Variants in VWC2L observed in about 807,000 individuals in gnomAD.
The protein encoded by VWC2L is von Willebrand factor C domain-containing protein 2-like.
VWC2L carries 10 observed loss-of-function variants against 21.6 expected under a neutral mutation model. The observed-to-expected ratio is 0.46, with a 90% CI of 0.29 to 0.78. The LOEUF (loss-of-function observed/expected upper bound fraction) is 0.78. Ranked by LOEUF, VWC2L falls within the 30% of genes least tolerant of loss-of-function variation. The pLI, the probability that VWC2L is intolerant of heterozygous loss-of-function variation, is 0.10. For missense variants in VWC2L, 209 were observed against 277.1 expected (o/e 0.75, Z 1.74); for synonymous variants, 96 against 94.3 (o/e 1.02, Z -0.10).
intron 3 of VWC2L, among the ~76,000 whole-genome samples, chr2:214,469,836 G>GA (rs376084751): frequency 8.3e-4 from 127 of 152,194 alleles, no homozygotes; most frequent in African/African-American, 2.9e-3. Context: ...AGCGGACTAA[G>GA]AAAAAATCTT....
chr2:214,477,661 T>G (rs1420039185), intron 3 of VWC2L, among the ~76,000 whole-genome samples: 1 of 152,248 alleles, frequency 6.6e-6, no homozygotes, highest in Non-Finnish European at 1.5e-5. Flanking sequence ...ACTTAAAATA[T>G]TATACCTCTT....
At chr2:214,526,649 C>T (rs1469092170) in intron 3 of VWC2L, among the ~76,000 whole-genome samples, 1 of 152,172 alleles carries the variant, frequency 6.6e-6, no homozygotes, top group African/African-American at 2.4e-5. Context: ...GGTTTCTCTT[C>T]TTCCATGGCT....
chr2:214,534,163 T>C (rs1689487309), intron 3 of VWC2L: 1 of 152,536 alleles, frequency 6.6e-6, no homozygotes, highest in Non-Finnish European at 1.5e-5. Flanking sequence ...TCTGAGGTAC[T>C]GATAATGCTG....
At chr2:214,535,694 C>A (rs1397442986) in intron 3 of VWC2L, among the ~76,000 whole-genome samples, 1 of 151,996 alleles carries the variant, frequency 6.6e-6, no homozygotes, top group Non-Finnish European at 1.5e-5. Context: ...CTGACTCAGG[C>A]TGTATACAGC....
At chr2:214,561,783 A>ATT (rs1689975989) in intron 3 of VWC2L, among the ~76,000 whole-genome samples, 2 of 90,974 alleles carry the variant, frequency 2.2e-5, no homozygotes, top group Non-Finnish European at 4.3e-5. Context: ...CTCAAAAAAA[A>ATT]TTATATATAT....
At chr2:214,453,534 T>C (rs933749818) in intron 3 of VWC2L, among the ~76,000 whole-genome samples, 1 of 152,194 alleles carries the variant, frequency 6.6e-6, no homozygotes, top group Non-Finnish European at 1.5e-5. Context: ...TTTTAATTGG[T>C]ATTTCATTGA....
chr2:214,482,624 T>A lies in VWC2L; in HGVS notation c.520+45866T>A, dbSNP rs903024865. Among the ~76,000 whole-genome samples the A allele has an allele frequency of 2.7e-5, 4 of 149,058 alleles. No homozygotes were observed. In the South Asian group the frequency reaches 6.3e-4, roughly 23 times the overall value. On this transcript the variant is annotated intron_variant, in intron 3 of 3. Transcript: ENST00000312504. The stretch of plus-strand genomic sequence containing the variant: ...ACCAGTTTGAAGAGAGAGAAAAAAA[T>A]TTAATATTAAAAGTTAATAAATAAA...
chr2:214,508,773 A>G (rs1689006993), intron 3 of VWC2L, among the ~76,000 whole-genome samples: 1 of 151,954 alleles, frequency 6.6e-6, no homozygotes, highest in Non-Finnish European at 1.5e-5. Context: ...TTCAATGAAG[A>G]TTTTGGGGCA....
chr2:214,467,973 T>C (rs919864071), intron 3 of VWC2L, among the ~76,000 whole-genome samples: 7 of 152,198 alleles, frequency 4.6e-5, no homozygotes, highest in South Asian at 2.1e-4. Flanking sequence ...TAGTGAGACA[T>C]TGTCTCAACA....
At chr2:214,573,327 CTGGGA>C (rs1411025888) in intron 3 of VWC2L, among the ~76,000 whole-genome samples, 2 of 152,064 alleles carry the variant, frequency 1.3e-5, no homozygotes, top group East Asian at 1.9e-4. Context: ...TCTCAAGAAG[CTGGGA>C]AAACTCTTAC....
intron 3 of VWC2L, among the ~76,000 whole-genome samples, chr2:214,454,311 T>C (rs887166029): frequency 1.3e-5 from 2 of 152,172 alleles, no homozygotes; most frequent in African/African-American, 2.4e-5. Flanking sequence ...CCATACAACG[T>C]TGAATAGAGA....
intron 3 of VWC2L, among the ~76,000 whole-genome samples, chr2:214,437,667 T>C (rs1260588311): frequency 1.3e-5 from 2 of 152,204 alleles, no homozygotes; most frequent in Non-Finnish European, 2.9e-5. Flanking sequence ...GCAATGGCCA[T>C]CTTTCTCTAT....
chr2:214,499,384 C>T (rs984759399), intron 3 of VWC2L, among the ~76,000 whole-genome samples: 2 of 151,852 alleles, frequency 1.3e-5, no homozygotes, highest in South Asian at 2.1e-4. Context: ...AAACTGCCAT[C>T]AAGTTTAGAT....
At position 214,577,635 on chromosome 2, in the gene VWC2L, G is replaced by C. The variant is rs959586142; in HGVS notation, c.*1815G>C. On this transcript the variant is annotated 3_prime_UTR_variant, in exon 4 of 4. Coordinates refer to ENST00000312504, the MANE Select transcript of VWC2L (RefSeq NM_001080500.4). Reference sequence around the variant, plus strand: ...CATACACAGTCAGCATTTCCAAGGGGTCAGTCTTCTCCATAGAGAGTGAGG... The same window carrying C: ...CATACACAGTCAGCATTTCCAAGGGCTCAGTCTTCTCCATAGAGAGTGAGG... 6.6e-6 allele frequency: 1 copy of C among 152,140 alleles called. No homozygotes were observed. The highest frequency in any genetic ancestry group is 1.5e-5 in the Non-Finnish European group (1 of 68,022). 9.4% of individuals were successfully genotyped at this position (152,140 alleles called of 1,614,324 possible).
At chr2:214,428,121 GGAAACTCTGAC>G (rs1702552291) in intron 2 of VWC2L, among the ~76,000 whole-genome samples, 1 of 152,164 alleles carries the variant, frequency 6.6e-6, no homozygotes, top group South Asian at 2.1e-4. Context: ...GAGTGGGGAA[GGAAACTCTGAC>G]GAAGTTGAAA....
chr2:214,495,592 G>A (rs7600101), intron 3 of VWC2L, among the ~76,000 whole-genome samples: 35,217 of 151,936 alleles, frequency 0.23, 4,229 homozygotes, highest in Admixed American at 0.26. Flanking sequence ...AGATCCCTTA[G>A]TCTATTCCTG....
chr2:214,430,143 G>GA (rs59486876), intron 2 of VWC2L, among the ~76,000 whole-genome samples: 2,954 of 146,508 alleles, frequency 0.02, 78 homozygotes, highest in East Asian at 0.13. Context: ...ATAATTTTAG[G>GA]AAAAAAAAAA....
chr2:214,412,475 T>G (rs1003610136), intron 1 of VWC2L, among the ~76,000 whole-genome samples: 2 of 152,112 alleles, frequency 1.3e-5, no homozygotes, highest in African/African-American at 4.8e-5. Context: ...GAGAAAAAAA[T>G]GCTTTGTCAA....
chr2:214,456,779 C>T (rs1703064881), intron 3 of VWC2L, among the ~76,000 whole-genome samples: 1 of 152,000 alleles, frequency 6.6e-6, no homozygotes, highest in Non-Finnish European at 1.5e-5. Flanking sequence ...TAGTTTTATT[C>T]TTTGCTTATG....
Sources: allele counts gnomAD v4.1 joint callset (sites outside exome capture counted in the v4.1 genomes callset), GRCh38; gene constraint gnomAD v4.1.1; transcripts MANE v1.5; gene names NCBI Gene and HGNC (gene_info 2026-07-23, HGNC 2026-07-21).